CSMD1: variants seen among roughly 807,000 people sequenced by gnomAD.
CSMD1 encodes the protein CUB and sushi domain-containing protein 1.
CSMD1 carries 213 observed loss-of-function variants against 417.5 expected under a neutral mutation model. That is an observed-to-expected ratio of 0.51 (90% CI 0.46 to 0.57). The LOEUF (loss-of-function observed/expected upper bound fraction) is 0.57, where lower values mean the gene tolerates loss of function less well. Among genes scored for constraint, CSMD1 ranks in the 20% least tolerant of loss-of-function variants. The pLI, the probability that CSMD1 is intolerant of heterozygous loss-of-function variation, is 0.00. For synonymous variants in CSMD1, 2,862 were observed against 1,736.8 expected (o/e 1.65, Z -16.11); for missense variants, 6,923 against 4,529.7 (o/e 1.53, Z -15.17).
At chr8:4,486,450 A>G (rs1801422816) in intron 2 of CSMD1, among the ~76,000 whole-genome samples, 1 of 151,424 alleles carries the variant, frequency 6.6e-6, no homozygotes, top group South Asian at 2.1e-4. Context: ...GAACTACTAT[A>G]TATTTTAAAA....
intron 1 of CSMD1, among the ~76,000 whole-genome samples, chr8:4,677,824 C>G (rs1415026889): frequency 6.6e-6 from 1 of 151,870 alleles, no homozygotes. Flanking sequence ...AAAAAGGAGG[C>G]AAGGATGGAG....
chr8:3,174,277 TA>T (rs772187258), intron 37 of CSMD1, among the ~76,000 whole-genome samples: 66 of 152,160 alleles, frequency 4.3e-4, no homozygotes, highest in Non-Finnish European at 7.8e-4. Context: ...AAAGATGGCT[TA>T]AGCTCAGGAG....
chr8:4,810,768 GAAGA>G (rs1174496522), intron 1 of CSMD1, among the ~76,000 whole-genome samples: 2 of 152,156 alleles, frequency 1.3e-5, no homozygotes, highest in African/African-American at 4.8e-5. Flanking sequence ...TGAAAAAGCT[GAAGA>G]AAGTGCCTCG....
intron 27 of CSMD1, among the ~76,000 whole-genome samples, chr8:3,228,286 A>G (rs1298211483): frequency 1.3e-5 from 2 of 152,262 alleles, no homozygotes; most frequent in Admixed American, 6.5e-5. Context: ...CAGAATTTAC[A>G]TGAGTGCTAA....
intron 3 of CSMD1, among the ~76,000 whole-genome samples, chr8:4,357,577 G>T (rs959091219): frequency 6.6e-6 from 1 of 152,060 alleles, no homozygotes; most frequent in African/African-American, 2.4e-5. Context: ...ATTCTCCATG[G>T]TCTGCTTAGT....
At chr8:3,847,311 G>A (rs866971861) in intron 5 of CSMD1, among the ~76,000 whole-genome samples, 12 of 152,134 alleles carry the variant, frequency 7.9e-5, no homozygotes, top group African/African-American at 2.7e-4. Context: ...GGGAGAACCT[G>A]ACCTACTTAG....
chr8:4,240,211 C>T (rs1029982348), intron 3 of CSMD1, among the ~76,000 whole-genome samples: 2 of 152,204 alleles, frequency 1.3e-5, no homozygotes, highest in Non-Finnish European at 2.9e-5. Context: ...TTTTGACAAC[C>T]GGCTGCAGAG....
At chr8:4,938,071 A>T (rs971357416) in intron 1 of CSMD1, among the ~76,000 whole-genome samples, 1 of 152,180 alleles carries the variant, frequency 6.6e-6, no homozygotes, top group Non-Finnish European at 1.5e-5. Context: ...TTTCCAAATG[A>T]TTAAAATTTT....
At chr8:4,837,841 C>T (rs1037350132) in intron 1 of CSMD1, among the ~76,000 whole-genome samples, 28 of 151,920 alleles carry the variant, frequency 1.8e-4, no homozygotes, top group African/African-American at 6.5e-4. Context: ...TATAGCATGC[C>T]TATATCAAAA....
intron 3 of CSMD1, among the ~76,000 whole-genome samples, chr8:4,081,699 T>A (rs186355550): frequency 3.9e-5 from 6 of 152,184 alleles, no homozygotes; most frequent in African/African-American, 1.2e-4. Context: ...AACATTTAAA[T>A]TCTAAAAAGT....
At chr8:4,035,234 G>C (rs1797555555) in intron 3 of CSMD1, among the ~76,000 whole-genome samples, 2 of 152,090 alleles carry the variant, frequency 1.3e-5, no homozygotes, top group African/African-American at 2.4e-5. Context: ...GGTGACGCCG[G>C]TGTGAACAAA....
At chr8:4,075,077 T>C (rs920482295) in intron 3 of CSMD1, among the ~76,000 whole-genome samples, 8 of 152,162 alleles carry the variant, frequency 5.3e-5, no homozygotes, top group African/African-American at 1.9e-4. Context: ...GTGAATAATA[T>C]TTCTTCAGTA....
chr8:3,087,643 C>T (rs1226315240), intron 48 of CSMD1, among the ~76,000 whole-genome samples: 1 of 152,144 alleles, frequency 6.6e-6, no homozygotes, highest in Non-Finnish European at 1.5e-5. Context: ...AGCTAAGGAG[C>T]TATAAAAGAA....
intron 15 of CSMD1, 79 bp from the exon 16 acceptor site, chr8:3,399,608 A>T (rs1284363391): frequency 2.9e-5 from 32 of 1,104,786 alleles, no homozygotes; most frequent in Admixed American, 2.2e-4. Context: ...TAAAAGCCAG[A>T]ATCTGCTTCT....
At chr8:3,721,938 G>C (rs995790183) in intron 6 of CSMD1, among the ~76,000 whole-genome samples, 1 of 152,072 alleles carries the variant, frequency 6.6e-6, no homozygotes, top group Admixed American at 6.6e-5. Context: ...CATGCCACAG[G>C]TGCACCCAAG....
chr8:4,964,468 G>T (rs530944023), intron 1 of CSMD1, among the ~76,000 whole-genome samples: 1 of 119,732 alleles, frequency 8.4e-6, no homozygotes, highest in African/African-American at 3.3e-5. Flanking sequence ...GCAGTGAAAC[G>T]TGATCCCATC....
At chr8:4,521,137 T>C (rs537716164) in intron 2 of CSMD1, among the ~76,000 whole-genome samples, 1 of 152,306 alleles carries the variant, frequency 6.6e-6, no homozygotes, top group South Asian at 2.1e-4. Flanking sequence ...TTCATCAATT[T>C]TCAAAATGAA....
chr8:3,840,377 G>A (rs150594283), intron 5 of CSMD1, among the ~76,000 whole-genome samples: 4 of 152,246 alleles, frequency 2.6e-5, no homozygotes, highest in African/African-American at 9.6e-5. Context: ...TATGCTGAGG[G>A]AGAATAATAG....
intron 3 of CSMD1, among the ~76,000 whole-genome samples, chr8:4,148,609 G>A (rs1796405838): frequency 6.6e-6 from 1 of 152,128 alleles, no homozygotes; most frequent in Non-Finnish European, 1.5e-5. Context: ...TGAGAGCCTT[G>A]TGTGTAGACA....
Sources: allele counts gnomAD v4.1 joint callset (sites outside exome capture counted in the v4.1 genomes callset), GRCh38; gene constraint gnomAD v4.1.1; transcripts MANE v1.5; gene names NCBI Gene and HGNC (gene_info 2026-07-23, HGNC 2026-07-21).